The following SLC22A2 variants were observed in gnomAD, a reference collection of about 807,000 sequenced individuals.
The protein encoded by SLC22A2 is organic cation transporter 2.
In SLC22A2, 46 loss-of-function variants were observed where a neutral mutation model predicts 60.5. The observed-to-expected ratio is 0.76, with a 90% CI of 0.60 to 0.97. SLC22A2 has a LOEUF of 0.97. Ranked by LOEUF, SLC22A2 falls within the 50% of genes least tolerant of loss-of-function variation. The pLI is 0.00. For synonymous variants in SLC22A2, 303 were observed against 267.0 expected, an observed-to-expected ratio of 1.13 and a Z score of -1.31; for missense variants, 701 against 706.6, an observed-to-expected ratio of 0.99 and a Z score of 0.09.
chr6:160,232,707 C>T (rs1782844505), intron 9 of SLC22A2, among the ~76,000 whole-genome samples: 1 of 151,880 alleles, frequency 6.6e-6, no homozygotes, highest in Non-Finnish European at 1.5e-5. Flanking sequence ...AAAAAAGCAG[C>T]CATCAAAAGG....
intron 2 of SLC22A2, 106 bp from the exon 3 acceptor site, chr6:160,250,808 T>C (rs1013165947): frequency 8.4e-7 from 1 of 1,184,494 alleles, no homozygotes; most frequent in African/African-American, 1.5e-5. Flanking sequence ...AGAGGTTAAC[T>C]TTAAATTTTA....
intron 10 of SLC22A2, among the ~76,000 whole-genome samples, chr6:160,220,647 A>C (rs940312518): frequency 6.6e-6 from 1 of 152,194 alleles, no homozygotes; most frequent in Non-Finnish European, 1.5e-5. Context: ...TTGAATGTCA[A>C]AACTACTCCT....
chr6:160,247,057 A>T (rs1783106301), intron 5 of SLC22A2, 127 bp downstream of exon 5: 1 of 614,434 alleles, frequency 1.6e-6, no homozygotes, highest in Non-Finnish European at 2.9e-6. Context: ...ATTCCGCTAC[A>T]GGTAAGCCAA....
At chr6:160,230,151 G>A (rs1030916793) in intron 9 of SLC22A2, among the ~76,000 whole-genome samples, 11 of 151,490 alleles carry the variant, frequency 7.3e-5, no homozygotes, top group Admixed American at 3.3e-4. Context: ...TTGCCAGGCC[G>A]AGCTAGGTCC....
Position 160,245,448 on chromosome 6 carries a change from A to C in SLC22A2, c.1055T>G (p.Met352Arg). 2 of 1,562,274 alleles carry C rather than the reference A, an allele frequency of 1.3e-6. No homozygotes were observed. The highest frequency in any genetic ancestry group is 1.2e-5 in the South Asian group (1 of 86,744). ...PQIRKHTMIL[M>R]YNWFTSSVLY... is the part of the protein sequence containing the mutation. ...GAAAAATATTCCTTACCAGTTGTAC[A>C]TCAATATCATAGTATGTTTCCTTAT... The change falls in exon 6 of 11, where the codon ATG (methionine) becomes AGG (arginine). Residue 352 changes from methionine to arginine, a missense_variant. Met to Arg is a moderately conservative substitution (Grantham distance 91). Coordinates refer to ENST00000366953, the MANE Select transcript of SLC22A2 (RefSeq NM_003058.4).
intron 7 of SLC22A2, 47 bp from the exon 8 acceptor site, chr6:160,242,449 A>G (rs776304576): frequency 5.9e-5 from 62 of 1,053,636 alleles, no homozygotes; most frequent in Non-Finnish European, 8.8e-5. Context: ...ATGATTCCTC[A>G]TCTTCAGACA....
At chr6:160,232,900 A>C (rs994290990) in intron 9 of SLC22A2, among the ~76,000 whole-genome samples, 2 of 151,934 alleles carry the variant, frequency 1.3e-5, no homozygotes, top group Admixed American at 6.5e-5. Context: ...TTCTTTGACC[A>C]AGGATCTCCT....
rs1420807243 is a variant in SLC22A2, at chr6:160,245,375, CT to C, written c.1064+63del. On this transcript the variant is annotated intron_variant, in intron 6 of 10. Transcript: ENST00000366953. ...GATGAGGTCATGTTTTCTTCCCTTC[CT>C]TACTATGGATGACTGTGATTAAAAC... is the stretch of plus-strand genomic sequence containing the variant. 6.5e-6 allele frequency: 6 copies of C among 918,844 alleles called. No individual in the cohort carries two copies. In the African/African-American group the frequency reaches 8.3e-5, roughly 13 times the overall value. The allele number at this position is 918,844 out of a possible 1,614,324, so 56.9% of individuals were successfully genotyped here.
intron 3 of SLC22A2, chr6:160,250,342 T>C: frequency 1.7e-6 from 1 of 580,182 alleles, no homozygotes; most frequent in Non-Finnish European, 3.0e-6. Flanking sequence ...TGTTTACCCT[T>C]GTTTCTGCCT....
intron 5 of SLC22A2, 25 bp from the exon 6 acceptor site, chr6:160,245,570 G>T: frequency 6.8e-7 from 1 of 1,462,094 alleles, no homozygotes; most frequent in Non-Finnish European, 9.5e-7. Flanking sequence ...AGAAAGGACG[G>T]CTTTGTATAT....
chr6:160,250,394 T>C, intron 3 of SLC22A2, 154 bp downstream of exon 3: 1 of 705,508 alleles, frequency 1.4e-6, no homozygotes, highest in South Asian at 1.7e-5. Flanking sequence ...AATGAGTTGA[T>C]ATGCTTTTAG....
At chr6:160,219,591 C>G (rs1409101334) in intron 10 of SLC22A2, among the ~76,000 whole-genome samples, 1 of 101,292 alleles carries the variant, frequency 9.9e-6, no homozygotes, top group Non-Finnish European at 1.9e-5. Flanking sequence ...CCTTTACTTT[C>G]TCTGGCCTGT....
In SLC22A2 at chr6:160,258,352, C is replaced by T. The variant is rs576766802; in HGVS notation, c.406G>A (p.Val136Ile). Residue 136 changes from valine to isoleucine, a missense_variant, in exon 1 of 11, where the codon GTC (valine) becomes ATC (isoleucine). Val to Ile is a conservative substitution (Grantham distance 29). Coordinates refer to ENST00000366953, the MANE Select transcript of SLC22A2 (RefSeq NM_003058.4). ...TGAGCTCACTCTCTTACCTCGGTGACGATGGACGAGCCAGGCGTCTCGTAC... is the reference window on the plus strand; with the variant it reads ...TGAGCTCACTCTCTTACCTCGGTGATGATGGACGAGCCAGGCGTCTCGTAC... ...WVYETPGSSI[V>I]TEFNLVCANS... is the part of the protein sequence containing the mutation. The T allele has an allele frequency of 2.4e-5, 38 of 1,607,240 alleles. No homozygotes were observed. The highest frequency in any genetic ancestry group is 1.0e-4 in the South Asian group (9 of 90,098).
At chr6:160,221,644 G>A (rs73600501) in intron 10 of SLC22A2, among the ~76,000 whole-genome samples, 1,811 of 152,260 alleles carry the variant, frequency 0.012, 52 homozygotes, top group African/African-American at 0.041. Context: ...GGGCATTGTA[G>A]AGCTATTAAT....
intron 2 of SLC22A2, 34 bp downstream of exon 2, chr6:160,256,580 T>G (rs376569187): frequency 3.4e-6 from 5 of 1,458,602 alleles, no homozygotes; most frequent in African/African-American, 1.4e-5. Context: ...ACCTTTGGGA[T>G]TGTTTAAATT....
In SLC22A2 at chr6:160,258,347, G is replaced by C. The variant is rs1033640036; in HGVS notation, c.411C>G (p.Thr137=). The C allele has an allele frequency of 3.1e-6, 5 of 1,605,474 alleles. No homozygotes were observed. In the South Asian group the frequency reaches 4.5e-5, roughly 14 times the overall value. The part of the protein sequence containing the change: ...VYETPGSSIV[T]EFNLVCANSW... ...AGCCCTGAGCTCACTCTCTTACCTC[G>C]GTGACGATGGACGAGCCAGGCGTCT... Residue 137 remains threonine, a synonymous_variant, in exon 1 of 11, where the codon ACC becomes ACG. Transcript: ENST00000366953.
At chr6:160,242,193 G>A in intron 8 of SLC22A2, 101 bp downstream of exon 8, 2 of 775,338 alleles carry the variant, frequency 2.6e-6, no homozygotes, top group Non-Finnish European at 4.7e-6. Context: ...CCCTTACACT[G>A]TGTTTTGAAG....
Position 160,242,342 on chromosome 6 carries a change from T to C in SLC22A2, c.1340A>G (p.Tyr447Cys), listed in dbSNP as rs770600664. The part of the protein sequence containing the change: ...CLGRMGITMA[Y>C]EIVCLVNAEL... Reference sequence around the variant, plus strand: ...AGCATTGACCAGGCAGACTATCTCATAGGCCATTGTGATCCCCATTCTTCC... The same window carrying C: ...AGCATTGACCAGGCAGACTATCTCACAGGCCATTGTGATCCCCATTCTTCC... Residue 447 changes from tyrosine to cysteine, a missense_variant, in exon 8 of 11, where the codon TAT becomes TGT. Coordinates refer to ENST00000366953, the MANE Select transcript of SLC22A2 (RefSeq NM_003058.4). 5 of 1,610,778 alleles carry C rather than the reference T, an allele frequency of 3.1e-6. No individual in the cohort carries two copies. Among genetic ancestry groups the C allele is most frequent in the Admixed American group, 1.7e-5 (1 of 60,014 alleles).
At chr6:160,255,226 G>A (rs943174597) in intron 2 of SLC22A2, among the ~76,000 whole-genome samples, 6 of 152,216 alleles carry the variant, frequency 3.9e-5, no homozygotes, top group Non-Finnish European at 8.8e-5. Context: ...CAGCTGAGGA[G>A]ACAATTAATA....
Sources: allele counts gnomAD v4.1 joint callset (sites outside exome capture counted in the v4.1 genomes callset), GRCh38; gene constraint gnomAD v4.1.1; transcripts MANE v1.5; gene names NCBI Gene and HGNC (gene_info 2026-07-23, HGNC 2026-07-21).